TDRD1: variants seen among roughly 807,000 people sequenced by gnomAD.
TDRD1 encodes tudor domain containing 1, also known as tudor domain-containing protein 1.
Under a neutral mutation model 140.6 loss-of-function variants are expected in TDRD1, and 37 were observed. The observed-to-expected ratio is 0.26, with a 90% confidence interval of 0.20 to 0.35. The LOEUF (loss-of-function observed/expected upper bound fraction) is 0.35, where lower values mean the gene tolerates loss of function less well. TDRD1 is among the 10% of genes least tolerant of loss of function. The pLI, the probability that TDRD1 is intolerant of heterozygous loss-of-function variation, is 1.00. For missense variants in TDRD1, 1,243 were observed against 1,393.0 expected (o/e 0.89, Z 1.71); for synonymous variants, 506 against 475.7 (o/e 1.06, Z -0.83).
chr10:114,202,597 G>A (rs2132967551), intron 6 of TDRD1, among the ~76,000 whole-genome samples: 1 of 152,174 alleles, frequency 6.6e-6, no homozygotes, highest in Middle Eastern at 3.4e-3. Context: ...TATCTAAGGA[G>A]GATTTTTTTT....
chr10:114,227,987 ACTC>A (rs2036537658), intron 24 of TDRD1, 31 bp downstream of exon 24: 4 of 1,611,962 alleles, frequency 2.5e-6, no homozygotes, highest in South Asian at 1.1e-5. Context: ...GTGAAATTAT[ACTC>A]CTAACGTTTT....
At chr10:114,205,788 AT>A (rs2035061219) in intron 10 of TDRD1, among the ~76,000 whole-genome samples, 1 of 152,338 alleles carries the variant, frequency 6.6e-6, no homozygotes, top group East Asian at 1.9e-4. Flanking sequence ...AAAAGACTGA[AT>A]AAGACCTACT....
chr10:114,202,362 A>C (rs1264575126), intron 6 of TDRD1, 64 bp downstream of exon 6: 1 of 1,159,008 alleles, frequency 8.6e-7, no homozygotes, highest in Admixed American at 2.4e-5. Flanking sequence ...ATGTAAGATA[A>C]ATATTTTAGG....
intron 16 of TDRD1, among the ~76,000 whole-genome samples, chr10:114,216,855 G>A (rs2035842995): frequency 6.6e-6 from 1 of 152,176 alleles, no homozygotes; most frequent in African/African-American, 2.4e-5. Flanking sequence ...TTTAGTAAAT[G>A]AGCCTTTGTC....
chr10:114,184,074 G>A (rs1365125040), intron 1 of TDRD1, among the ~76,000 whole-genome samples: 2 of 151,930 alleles, frequency 1.3e-5, no homozygotes, highest in Non-Finnish European at 2.9e-5. Flanking sequence ...TTGCTTCCCA[G>A]AAAGAGTATA....
exon 17 of TDRD1, chr10:114,217,567 G>A: frequency 1.3e-6 from 2 of 1,594,850 alleles, no homozygotes; most frequent in Non-Finnish European, 1.7e-6. Context: ...TCAATGATTT[G>A]AACAAGTCAT....
intron 2 of TDRD1, among the ~76,000 whole-genome samples, chr10:114,189,275 C>T (rs140317946): frequency 6.3e-4 from 96 of 152,268 alleles, no homozygotes; most frequent in Non-Finnish European, 1.3e-3. Context: ...GGGAATTACT[C>T]CTGACTTTTA....
chr10:114,217,461 T>G, intron 16 of TDRD1, 84 bp from the exon 17 acceptor site: 1 of 687,408 alleles, frequency 1.5e-6, no homozygotes, highest in Non-Finnish European at 2.4e-6. Flanking sequence ...ATCATAAAAA[T>G]CACGTTTTCT....
intron 16 of TDRD1, among the ~76,000 whole-genome samples, chr10:114,215,917 T>C (rs533401488): frequency 6.6e-6 from 1 of 152,348 alleles, no homozygotes; most frequent in South Asian, 2.1e-4. Context: ...TATGAGTATA[T>C]ATAATCCTTT....
At chr10:114,188,268 A>G in intron 2 of TDRD1, 112 bp downstream of exon 2, 1 of 869,138 alleles carries the variant, frequency 1.2e-6, no homozygotes, top group Non-Finnish European at 1.7e-6. Context: ...GCACATGACT[A>G]CCTTACCGTA....
exon 25 of TDRD1, chr10:114,228,091 A>G: frequency 1.2e-6 from 2 of 1,604,734 alleles, no homozygotes; most frequent in Admixed American, 3.4e-5. Context: ...CAACCAATCA[A>G]AATAAATTTA....
intron 1 of TDRD1, among the ~76,000 whole-genome samples, chr10:114,185,240 C>T (rs1158107091): frequency 6.6e-6 from 1 of 152,162 alleles, no homozygotes; most frequent in Non-Finnish European, 1.5e-5. Flanking sequence ...CCCAGATTGG[C>T]GTGCAGTGGC....
At chr10:114,223,904 C>T (rs903288487) in intron 21 of TDRD1, among the ~76,000 whole-genome samples, 1 of 152,194 alleles carries the variant, frequency 6.6e-6, no homozygotes, top group African/African-American at 2.4e-5. Flanking sequence ...GCTTGTCCCC[C>T]AGACCTGAGC....
intron 3 of TDRD1, among the ~76,000 whole-genome samples, chr10:114,198,579 A>G (rs1411385065): frequency 1.3e-5 from 2 of 152,082 alleles, no homozygotes; most frequent in African/African-American, 4.8e-5. Flanking sequence ...AGAGCAGTTA[A>G]TGTTAAGTTT....
chr10:114,210,559 T>A, intron 11 of TDRD1, 22 bp from the exon 12 acceptor site: 1 of 1,544,414 alleles, frequency 6.5e-7, no homozygotes, highest in South Asian at 1.2e-5. Context: ...AATGGCTTAT[T>A]TTTCTGTTTT....
At chr10:114,218,244 ATTCT>A (rs377233281) in intron 17 of TDRD1, among the ~76,000 whole-genome samples, 166 bp from the exon 18 acceptor site, 26 of 152,360 alleles carry the variant, frequency 1.7e-4, no homozygotes, top group African/African-American at 6.3e-4. Context: ...GATTTTGAGA[ATTCT>A]TTCATTCTAG....
chr10:114,191,905 C>A (rs1046543743), intron 3 of TDRD1, among the ~76,000 whole-genome samples: 2 of 152,082 alleles, frequency 1.3e-5, no homozygotes, highest in African/African-American at 4.8e-5. Context: ...TTTATTCTAC[C>A]CATTTTCATC....
intron 10 of TDRD1, among the ~76,000 whole-genome samples, chr10:114,205,343 T>A (rs117997069): frequency 6.6e-6 from 1 of 152,214 alleles, no homozygotes; most frequent in African/African-American, 2.4e-5. Flanking sequence ...ATAAATGACT[T>A]CTCACAGTGT....
At chr10:114,230,246 T>C (rs562993553) in intron 25 of TDRD1, among the ~76,000 whole-genome samples, 32 of 152,328 alleles carry the variant, frequency 2.1e-4, no homozygotes, top group African/African-American at 7.0e-4. Context: ...TAAAGTGAAA[T>C]TTCATTGTTT....
Sources: allele counts gnomAD v4.1 joint callset (sites outside exome capture counted in the v4.1 genomes callset), GRCh38; gene constraint gnomAD v4.1.1; transcripts MANE v1.5; gene names NCBI Gene and HGNC (gene_info 2026-07-23, HGNC 2026-07-21).